The following BCAS4 variants were observed in gnomAD, a reference collection of about 807,000 sequenced individuals.
BCAS4 encodes breast carcinoma amplified sequence 4.
BCAS4 carries 9 observed loss-of-function variants against 15.7 expected under a neutral mutation model. That is an observed-to-expected ratio of 0.57 (90% CI 0.34 to 1.00). The LOEUF is 1.00. Ranked by LOEUF, BCAS4 falls within the 50% of genes least tolerant of loss-of-function variation. The probability of loss-of-function intolerance (pLI) is 0.02; values close to 1 mark genes in which losing one functional copy is unlikely to be tolerated. For synonymous variants in BCAS4, 101 were observed against 99.5 expected, an observed-to-expected ratio of 1.02 and a Z score of -0.09; for missense variants, 225 against 239.1, an observed-to-expected ratio of 0.94 and a Z score of 0.39.
chr20:50,800,168 A>C (rs1190085411), intron 1 of BCAS4, among the ~76,000 whole-genome samples: 1 of 152,164 alleles, frequency 6.6e-6, no homozygotes, highest in Non-Finnish European at 1.5e-5. Flanking sequence ...AGGAGGGTGA[A>C]TAGAAGGTTA....
intron 4 of BCAS4, among the ~76,000 whole-genome samples, chr20:50,860,358 C>T (rs1276535236): frequency 1.3e-5 from 2 of 152,210 alleles, no homozygotes; most frequent in Admixed American, 1.3e-4. Flanking sequence ...AGACACTGAG[C>T]AGGGTCCCGC....
chr20:50,852,302 C>G (rs528297857), intron 4 of BCAS4, among the ~76,000 whole-genome samples: 4 of 152,110 alleles, frequency 2.6e-5, no homozygotes, highest in African/African-American at 4.8e-5. Flanking sequence ...GCAGGGGAGG[C>G]GGGGCCCTCA....
intron 4 of BCAS4, among the ~76,000 whole-genome samples, chr20:50,853,835 G>T (rs1978604909): frequency 7.5e-6 from 1 of 133,472 alleles, no homozygotes; most frequent in African/African-American, 3.2e-5. Flanking sequence ...GTACTGGGGG[G>T]TGTTTTGTGC....
chr20:50,837,648 G>A (rs527519788), intron 3 of BCAS4, among the ~76,000 whole-genome samples: 1 of 152,334 alleles, frequency 6.6e-6, no homozygotes, highest in African/African-American at 2.4e-5. Flanking sequence ...TGTGTGGGTG[G>A]ACGTGTGCGT....
At chr20:50,799,794 G>A (rs1345794022) in intron 1 of BCAS4, among the ~76,000 whole-genome samples, 2 of 152,164 alleles carry the variant, frequency 1.3e-5, no homozygotes, top group Non-Finnish European at 2.9e-5. Context: ...AGTGGCTCAC[G>A]CCTGTAATCC....
At chr20:50,820,804 G>A (rs1294005682) in intron 2 of BCAS4, among the ~76,000 whole-genome samples, 1 of 152,142 alleles carries the variant, frequency 6.6e-6, no homozygotes. Context: ...CTCCTAACTC[G>A]AAGCCTGGAG....
chr20:50,827,241 C>T (rs1276251514), intron 2 of BCAS4, among the ~76,000 whole-genome samples: 3 of 152,206 alleles, frequency 2.0e-5, no homozygotes, highest in Non-Finnish European at 1.5e-5. Context: ...AGTTTTGAGA[C>T]ATGCTGGTCA....
chr20:50,824,795 GCCAGGTCTTGGCTCAGTGTGT>G (rs2088259213), intron 2 of BCAS4, among the ~76,000 whole-genome samples: 1 of 152,158 alleles, frequency 6.6e-6, no homozygotes, highest in Non-Finnish European at 1.5e-5. Flanking sequence ...GCTCAGTGTG[GCCAGGTCTTGGCTCAGTGTGT>G]CCAGGTCTCC....
chr20:50,804,391 G>A (rs1390432864), intron 1 of BCAS4, among the ~76,000 whole-genome samples: 1 of 152,156 alleles, frequency 6.6e-6, no homozygotes, highest in Admixed American at 6.5e-5. Flanking sequence ...ATGCACAGGA[G>A]CTACCTGATT....
chr20:50,833,789 C>T (rs527495442), intron 3 of BCAS4, among the ~76,000 whole-genome samples: 107 of 152,050 alleles, frequency 7.0e-4, no homozygotes, highest in Non-Finnish European at 1.3e-3. Context: ...GGCATATGGC[C>T]GAGGGGAGAT....
chr20:50,806,050 T>A (rs778705481), intron 1 of BCAS4, among the ~76,000 whole-genome samples: 4 of 152,052 alleles, frequency 2.6e-5, no homozygotes, highest in Non-Finnish European at 5.9e-5. Context: ...CCCACTTCTC[T>A]TGTATTTATT....
intron 2 of BCAS4, among the ~76,000 whole-genome samples, chr20:50,828,479 A>T (rs996524844): frequency 5.9e-5 from 9 of 152,250 alleles, no homozygotes; most frequent in South Asian, 4.1e-4. Flanking sequence ...TCAAAAAAAA[A>T]TTTTAAATAA....
At position 50,846,640 on chromosome 20, in the gene BCAS4, G is replaced by A. The variant is rs868255124; in HGVS notation, c.399+4740G>A. 150 of 107,960 alleles carry A rather than the reference G, an allele frequency of 1.4e-3. 1 individual carries two copies. The highest frequency in any genetic ancestry group is 5.2e-3 in the African/African-American group (145 of 27,856). The allele number at this position is 107,960 out of a possible 1,614,324, so 6.7% of individuals were successfully genotyped here. On this transcript the variant is annotated intron_variant, in intron 4 of 4. Transcript: ENST00000371608. ...TTTTTTTTTTTTTTTTTTTGAGACA[G>A]TCTCACTCTGTCGCACAGGCTGGAG...
At chr20:50,847,993 C>T (rs752253731) in intron 4 of BCAS4, among the ~76,000 whole-genome samples, 4 of 151,534 alleles carry the variant, frequency 2.6e-5, no homozygotes, top group Non-Finnish European at 5.9e-5. Flanking sequence ...GAGCCATAAT[C>T]GTACCACTGC....
intron 2 of BCAS4, among the ~76,000 whole-genome samples, chr20:50,821,044 G>A (rs1006218737): frequency 4.6e-5 from 7 of 152,284 alleles, no homozygotes; most frequent in African/African-American, 7.2e-5. Context: ...GCCATGTCAC[G>A]TGGCAAGCAA....
At chr20:50,800,699 T>C (rs1168243537) in intron 1 of BCAS4, among the ~76,000 whole-genome samples, 2 of 151,716 alleles carry the variant, frequency 1.3e-5, no homozygotes, top group East Asian at 3.9e-4. Context: ...GTAGCTAGGA[T>C]TACAGGTATG....
chr20:50,795,311 C>CT, intron 1 of BCAS4, 138 bp downstream of exon 1: 1 of 792,242 alleles, frequency 1.3e-6, no homozygotes, highest in East Asian at 3.4e-5. Flanking sequence ...TGAAGGGTGG[C>CT]TGCGGGGCGC....
chr20:50,834,016 A>C (rs2088376005), intron 3 of BCAS4, among the ~76,000 whole-genome samples: 1 of 152,140 alleles, frequency 6.6e-6, no homozygotes, highest in African/African-American at 2.4e-5. Context: ...AGGCGGGAAA[A>C]GGCAGCTTCT....
chr20:50,832,263 C>CT (rs796347635), intron 3 of BCAS4, among the ~76,000 whole-genome samples: 12,813 of 145,122 alleles, frequency 0.088, 863 homozygotes, highest in African/African-American at 0.19. Context: ...AAACAACACA[C>CT]TTTTTTTTTT....
Sources: allele counts gnomAD v4.1 joint callset (sites outside exome capture counted in the v4.1 genomes callset), GRCh38; gene constraint gnomAD v4.1.1; transcripts MANE v1.5; gene names NCBI Gene and HGNC (gene_info 2026-07-23, HGNC 2026-07-21).